The following BTBD9 variants were observed in gnomAD, a reference collection of about 807,000 sequenced individuals.
BTBD9 encodes BTB/POZ domain-containing protein 9.
BTBD9 carries 49 observed loss-of-function variants against 64.3 expected under a neutral mutation model. That is an observed-to-expected ratio of 0.76 (90% CI 0.61 to 0.97). The LOEUF is 0.97. Ranked by LOEUF, BTBD9 falls within the 50% of genes least tolerant of loss-of-function variation. The pLI is 0.00. For synonymous variants in BTBD9, 260 were observed against 274.7 expected (o/e 0.95, Z 0.53); for missense variants, 598 against 762.1 (o/e 0.78, Z 2.53).
At chr6:38,251,167 A>C (rs1561927416) in intron 9 of BTBD9, among the ~76,000 whole-genome samples, 2 of 151,502 alleles carry the variant, frequency 1.3e-5, no homozygotes, top group Non-Finnish European at 3.0e-5. Context: ...GAACTAAAAA[A>C]ACATAACAAA....
chr6:38,501,102 G>A (rs1329627886), intron 6 of BTBD9, among the ~76,000 whole-genome samples: 2 of 152,152 alleles, frequency 1.3e-5, no homozygotes, highest in African/African-American at 4.8e-5. Context: ...CTCAATGGAT[G>A]CTGTAAGTTA....
intron 10 of BTBD9, among the ~76,000 whole-genome samples, chr6:38,182,303 A>T (rs553852866): frequency 6.6e-6 from 1 of 152,348 alleles, no homozygotes; most frequent in Non-Finnish European, 1.5e-5. Context: ...CAGCCCTGGA[A>T]TTCCTGCCCT....
intron 8 of BTBD9, among the ~76,000 whole-genome samples, chr6:38,279,895 C>A (rs750858159): frequency 3.9e-5 from 6 of 152,148 alleles, no homozygotes; most frequent in Non-Finnish European, 7.3e-5. Context: ...TAAAAGGATT[C>A]TTTTCATATA....
chr6:38,480,432 A>C (rs1771085625), intron 6 of BTBD9, among the ~76,000 whole-genome samples: 1 of 152,188 alleles, frequency 6.6e-6, no homozygotes, highest in Non-Finnish European at 1.5e-5. Context: ...AGCTCTTATG[A>C]AAGTGTAGGT....
intron 6 of BTBD9, among the ~76,000 whole-genome samples, chr6:38,463,117 T>C (rs1018251098): frequency 6.6e-6 from 1 of 152,202 alleles, no homozygotes. Flanking sequence ...TTATCAGATT[T>C]TTTCCCCTAA....
In BTBD9 at chr6:38,605,756, G is replaced by A. The variant is rs934778894; in HGVS notation, c.-27-7635C>T. Among the ~76,000 whole-genome samples the A allele has an allele frequency of 1.1e-4, 17 of 152,090 alleles. No individual in the cohort carries two copies. In the East Asian group the frequency reaches 1.9e-3, roughly 17 times the overall value. On this transcript the variant is annotated intron_variant, in intron 1 of 10. Coordinates refer to ENST00000481247, the MANE Select transcript of BTBD9 (RefSeq NM_001099272.2). ...TTGCTTGAGCCCAAGAGGTCGAGGC[G>A]GCAGTGAGCCATGTTCATGCCACTG...
chr6:38,622,237 C>T (rs772253997), intron 1 of BTBD9, among the ~76,000 whole-genome samples: 3 of 152,180 alleles, frequency 2.0e-5, no homozygotes, highest in Admixed American at 6.5e-5. Flanking sequence ...GGCACTATCC[C>T]GGGGAGCACT....
At chr6:38,497,597 G>T (rs1200253541) in intron 6 of BTBD9, among the ~76,000 whole-genome samples, 12 of 152,124 alleles carry the variant, frequency 7.9e-5, no homozygotes, top group Admixed American at 7.9e-4. Flanking sequence ...GGCAGTGAAG[G>T]GGAGGAAAGG....
chr6:38,577,398 T>C (rs1006676435), intron 6 of BTBD9, among the ~76,000 whole-genome samples: 4 of 152,236 alleles, frequency 2.6e-5, no homozygotes, highest in African/African-American at 9.6e-5. Flanking sequence ...ACAAGACATG[T>C]TGTATAAATA....
At chr6:38,607,371 T>C (rs1217997930) in intron 1 of BTBD9, among the ~76,000 whole-genome samples, 1 of 152,218 alleles carries the variant, frequency 6.6e-6, no homozygotes, top group Non-Finnish European at 1.5e-5. Context: ...TTCCATTTTA[T>C]GCATGTTCAT....
chr6:38,245,367 G>A (rs1267729411), intron 9 of BTBD9, among the ~76,000 whole-genome samples: 1 of 152,200 alleles, frequency 6.6e-6, no homozygotes, highest in Non-Finnish European at 1.5e-5. Flanking sequence ...GCTGAGAAGG[G>A]TAAGTGGGGG....
At chr6:38,462,342 A>G (rs1470329865) in intron 6 of BTBD9, among the ~76,000 whole-genome samples, 3 of 152,212 alleles carry the variant, frequency 2.0e-5, no homozygotes, top group Admixed American at 2.0e-4. Context: ...ATTTTTGTCT[A>G]TAATACAAGG....
At chr6:38,289,577 T>C (rs1364694242) in intron 7 of BTBD9, among the ~76,000 whole-genome samples, 1 of 152,202 alleles carries the variant, frequency 6.6e-6, no homozygotes, top group Non-Finnish European at 1.5e-5. Context: ...ACTCACATAA[T>C]AGGAAAGTGA....
intron 1 of BTBD9, among the ~76,000 whole-genome samples, chr6:38,639,498 G>C (rs1279477901): frequency 2.0e-5 from 3 of 152,270 alleles, no homozygotes; most frequent in Middle Eastern, 3.4e-3. Context: ...GACTGCTAGG[G>C]AACCTGGGCT....
At position 38,274,892 on chromosome 6, in the gene BTBD9, A is replaced by C. The variant is rs201609672; in HGVS notation, c.1454+13380T>G. On this transcript the variant is annotated intron_variant, in intron 8 of 10. Transcript: ENST00000481247. The stretch of plus-strand genomic sequence containing the variant: ...TTGGTATCAGGATGATGCTGGCCTC[A>C]TAAAATGAGTTAGGGAGGATTCCCT... 1.5e-3 allele frequency among the ~76,000 whole-genome samples: 229 copies of C among 152,318 alleles called. 4 individuals are homozygous for C. In the East Asian group the frequency reaches 0.032, roughly 22 times the overall value.
intron 6 of BTBD9, among the ~76,000 whole-genome samples, chr6:38,398,815 TATTTA>T (rs541936464): frequency 3.3e-5 from 5 of 152,340 alleles, no homozygotes; most frequent in South Asian, 2.1e-4. Context: ...AACATATAAT[TATTTA>T]ATTTAATTTA....
At chr6:38,560,627 A>G (rs1412361896) in intron 6 of BTBD9, among the ~76,000 whole-genome samples, 1 of 152,054 alleles carries the variant, frequency 6.6e-6, no homozygotes, top group African/African-American at 2.4e-5. Context: ...AGGTTTATTT[A>G]TATAGGCAAA....
intron 9 of BTBD9, among the ~76,000 whole-genome samples, chr6:38,200,828 C>G (rs1762436570): frequency 6.6e-6 from 1 of 152,090 alleles, no homozygotes; most frequent in Non-Finnish European, 1.5e-5. Flanking sequence ...CAAATTCTAC[C>G]AAACATATAA....
chr6:38,628,061 A>G (rs1288367748), intron 1 of BTBD9, among the ~76,000 whole-genome samples: 1 of 152,218 alleles, frequency 6.6e-6, no homozygotes, highest in East Asian at 1.9e-4. Flanking sequence ...TAACTTTTTT[A>G]TTGATAAGCA....
Sources: allele counts gnomAD v4.1 joint callset (sites outside exome capture counted in the v4.1 genomes callset), GRCh38; gene constraint gnomAD v4.1.1; transcripts MANE v1.5; gene names NCBI Gene and HGNC (gene_info 2026-07-23, HGNC 2026-07-21).